PCDHGB5: variants seen among roughly 807,000 people sequenced by gnomAD.
PCDHGB5 encodes the protein protocadherin gamma subfamily B, 5, also known as protocadherin gamma-B5.
A neutral mutation model predicts 62.9 loss-of-function variants in PCDHGB5; 48 were observed. The observed-to-expected ratio is 0.76, with a 90% CI of 0.61 to 0.97. PCDHGB5 has a LOEUF of 0.97. Among genes scored for constraint, PCDHGB5 ranks in the 50% least tolerant of loss-of-function variants. The pLI, the probability that PCDHGB5 is intolerant of heterozygous loss-of-function variation, is 0.00. For synonymous variants in PCDHGB5, 474 were observed against 511.2 expected, an observed-to-expected ratio of 0.93 and a Z score of 0.98; for missense variants, 1,118 against 1,198.6, an observed-to-expected ratio of 0.93 and a Z score of 0.99.
intron 1 of PCDHGB5, chr5:141,427,571 G>T (rs1199845374): frequency 9.1e-6 from 6 of 662,944 alleles, no homozygotes; most frequent in Non-Finnish European, 1.7e-5. Context: ...GCAAGCCTCC[G>T]CTCTCATCCA....
At chr5:141,433,020 C>G (rs761127608) in intron 1 of PCDHGB5, 5 of 1,614,152 alleles carry the variant, frequency 3.1e-6, no homozygotes, top group East Asian at 2.2e-5. Flanking sequence ...CAGACCTATT[C>G]CCACGAGGTT....
intron 2 of PCDHGB5, among the ~76,000 whole-genome samples, chr5:141,500,614 C>T (rs1300242596): frequency 1.3e-5 from 2 of 152,204 alleles, no homozygotes; most frequent in African/African-American, 4.8e-5. Context: ...TATTCCCAGT[C>T]ATACGGTACA....
intron 2 of PCDHGB5, among the ~76,000 whole-genome samples, chr5:141,495,128 G>T (rs1408872159): frequency 2.6e-5 from 4 of 152,160 alleles, no homozygotes; most frequent in African/African-American, 9.7e-5. Flanking sequence ...TCCCCTGAGG[G>T]CACTGTGGAA....
chr5:141,485,986 G>T lies in PCDHGB5; in HGVS notation c.2398-8821G>T, dbSNP rs2099622467. The T allele has an allele frequency of 1.2e-6, 2 of 1,614,084 alleles. No homozygotes were observed. Among genetic ancestry groups the T allele is most frequent in the African/African-American group, 1.3e-5 (1 of 74,936 alleles). On this transcript the variant is annotated intron_variant, in intron 1 of 3. Transcript: ENST00000617380. This position sits in a 1 kb window ranked among gnomAD's most constrained non-coding sequence, Gnocchi z 5.7. ...AGCTCAATGCCTCAGACCCGGACCT[G>T]GGTCCCAGTGGTAACGTCACCTTTT...
chr5:141,415,744 T>TTTTTG, intron 1 of PCDHGB5: 1 of 404,416 alleles, frequency 2.5e-6, no homozygotes, highest in Non-Finnish European at 3.0e-6. Context: ...ATTAAGGTTT[T>TTTTTG]TTTTTTTTTT....
intron 1 of PCDHGB5, chr5:141,410,606 G>C: frequency 1.2e-6 from 2 of 1,607,214 alleles, no homozygotes; most frequent in Non-Finnish European, 1.7e-6. Flanking sequence ...TTCACATCCT[G>C]AGACTCTGAC....
chr5:141,427,704 G>A (rs2097059746), intron 1 of PCDHGB5: 1 of 966,116 alleles, frequency 1.0e-6, no homozygotes, highest in Non-Finnish European at 1.6e-6. Flanking sequence ...ACAAGTCAGC[G>A]CCTCTGACCT....
intron 1 of PCDHGB5, chr5:141,409,189 C>T (rs1216028242): frequency 6.2e-7 from 1 of 1,613,918 alleles, no homozygotes; most frequent in Admixed American, 1.7e-5. Flanking sequence ...GTCTCTCTAC[C>T]CAGTGTAAAG....
chr5:141,442,650 G>A (rs192694987), intron 1 of PCDHGB5, among the ~76,000 whole-genome samples: 83 of 152,350 alleles, frequency 5.4e-4, no homozygotes, highest in Admixed American at 9.1e-4. Flanking sequence ...CCTAAGATGA[G>A]AAATATTTGG....
chr5:141,482,890 G>C (rs577635020), intron 1 of PCDHGB5, among the ~76,000 whole-genome samples: 10 of 152,274 alleles, frequency 6.6e-5, no homozygotes, highest in African/African-American at 2.4e-4. Flanking sequence ...TGGCCAACAT[G>C]GTGAAACCTC....
intron 1 of PCDHGB5, among the ~76,000 whole-genome samples, chr5:141,459,386 T>C (rs1283863283): frequency 6.6e-6 from 1 of 152,260 alleles, no homozygotes; most frequent in African/African-American, 2.4e-5. Context: ...GTGTTCCATT[T>C]GATTGTTGAG....
chr5:141,475,928 G>A, intron 1 of PCDHGB5: 1 of 630,590 alleles, frequency 1.6e-6, no homozygotes, highest in Non-Finnish European at 2.7e-6. Context: ...TGGAGATCGG[G>A]CCCCTGCCCG....
intron 1 of PCDHGB5, chr5:141,478,509 G>A: frequency 1.2e-6 from 2 of 1,611,878 alleles, no homozygotes; most frequent in South Asian, 1.1e-5. Flanking sequence ...GTGTTCTATA[G>A]GCAGGTGTTG....
chr5:141,480,946 G>A (rs1415705408), intron 1 of PCDHGB5, among the ~76,000 whole-genome samples: 1 of 152,172 alleles, frequency 6.6e-6, no homozygotes, highest in Non-Finnish European at 1.5e-5. Context: ...TCTAGAGGCT[G>A]AGGCGGAAGC....
In PCDHGB5 at chr5:141,489,071, CA is replaced by C; in HGVS notation, c.2398-5735del. 3.1e-6 allele frequency: 1 copy of C among 326,700 alleles called. No homozygotes were observed. Among genetic ancestry groups the C allele is most frequent in the East Asian group, 5.9e-5 (1 of 17,012 alleles). 20.2% of individuals were successfully genotyped at this position (326,700 alleles called of 1,614,324 possible). A position where few individuals can be genotyped will look rare whatever the true frequency, so the allele number is the denominator to read the frequency against. On this transcript the variant is annotated intron_variant, in intron 1 of 3. Transcript: ENST00000617380. This position sits in a 1 kb window ranked among gnomAD's most constrained non-coding sequence, Gnocchi z 4.5. Reference sequence around the variant, plus strand: ...AAATTCAGCTCCCCTCCCCCCTGCCCACCCCCGCCACTCGGTGACTAAGAAC... The same window carrying C: ...AAATTCAGCTCCCCTCCCCCCTGCCCCCCCCGCCACTCGGTGACTAAGAAC...
intron 1 of PCDHGB5, among the ~76,000 whole-genome samples, chr5:141,460,508 G>C (rs1390313220): frequency 6.6e-6 from 1 of 152,040 alleles, no homozygotes; most frequent in East Asian, 1.9e-4. Context: ...TGCTGAGAAG[G>C]CTATCTTTTC....
rs1467261705 is a variant in PCDHGB5, at chr5:141,417,640, C to G, written c.2397+17116C>G. 6.6e-6 allele frequency: 5 copies of G among 761,360 alleles called. No homozygotes were observed. The African/African-American group carries it at 8.8e-5, about 13-fold the overall frequency. 47.2% of individuals were successfully genotyped at this position (761,360 alleles called of 1,614,324 possible). A position where few individuals can be genotyped will look rare whatever the true frequency, so the allele number is the denominator to read the frequency against. On this transcript the variant is annotated intron_variant, in intron 1 of 3. Coordinates refer to ENST00000617380, the MANE Select transcript of PCDHGB5 (RefSeq NM_018925.3). ...AGAGCAAGCGCTGACGCCGGGGATC[C>G]CTCAGCCTCTAGCCTGGGATTCCCT...
chr5:141,451,740 G>A (rs370710201), intron 1 of PCDHGB5, among the ~76,000 whole-genome samples: 1 of 152,108 alleles, frequency 6.6e-6, no homozygotes, highest in Non-Finnish European at 1.5e-5. Context: ...AAATTAGCTG[G>A]TCTGGTGGTG....
rs13436436 is a variant in PCDHGB5 at position 141,494,301 on chromosome 5, G to C, written c.2398-506G>C. Among the ~76,000 whole-genome samples, 1,119 of 152,302 alleles carry C rather than the reference G, an allele frequency of 7.3e-3. 11 individuals carry two copies. The highest frequency in any genetic ancestry group is 0.026 in the African/African-American group (1,077 of 41,560). Reference sequence around the variant, plus strand: ...CCAGAGAAGATGTCCCTGTGAATGTGTCACTGCACAACCTGGCACCAAAAG... The same window carrying C: ...CCAGAGAAGATGTCCCTGTGAATGTCTCACTGCACAACCTGGCACCAAAAG... On this transcript the variant is annotated intron_variant, in intron 1 of 3. Coordinates refer to ENST00000617380, the MANE Select transcript of PCDHGB5 (RefSeq NM_018925.3).
Sources: allele counts gnomAD v4.1 joint callset (sites outside exome capture counted in the v4.1 genomes callset), GRCh38; gene constraint gnomAD v4.1.1; non-coding constraint Gnocchi (gnomAD v3.1); transcripts MANE v1.5; gene names NCBI Gene and HGNC (gene_info 2026-07-23, HGNC 2026-07-21).